Variants in LMLN observed in about 807,000 individuals in gnomAD.
LMLN encodes leishmanolysin-like peptidase.
Under a neutral mutation model 92.3 loss-of-function variants are expected in LMLN, and 70 were observed. The ratio of observed to expected loss-of-function variants is 0.76; its 90% confidence interval spans 0.63 to 0.92. The LOEUF (loss-of-function observed/expected upper bound fraction) is 0.92. LMLN is among the 40% of genes least tolerant of loss of function. The pLI is 0.00. For missense variants in LMLN, 691 were observed against 814.6 expected (o/e 0.85, Z 1.85); for synonymous variants, 308 against 296.2 (o/e 1.04, Z -0.41).
At chr3:197,967,323 C>T (rs1721086039) in intron 1 of LMLN, among the ~76,000 whole-genome samples, 2 of 152,038 alleles carry the variant, frequency 1.3e-5, no homozygotes, top group South Asian at 4.1e-4. Flanking sequence ...AGAAAGAGTA[C>T]AAAGAGTGGA....
intron 11 of LMLN, among the ~76,000 whole-genome samples, chr3:198,017,137 GA>G (rs959203441): frequency 2.7e-5 from 4 of 147,562 alleles, no homozygotes; most frequent in East Asian, 2.0e-4. Flanking sequence ...AATCGACAAG[GA>G]AAAAAAAAAC....
rs1722348186 is a variant in LMLN, at chr3:198,008,337, A to G, written c.1232+8995A>G. Among the ~76,000 whole-genome samples, 3 of 152,222 alleles carry G rather than the reference A, an allele frequency of 2.0e-5. No homozygotes were observed. The South Asian group carries it at 6.2e-4, about 31-fold the overall frequency. ...TTCCAGTAAGAGAGATTTAAAAAAT[A>G]ATAGTAAGAAGAAAATTTATGAAAT... is the stretch of plus-strand genomic sequence containing the variant. On this transcript the variant is annotated intron_variant, in intron 11 of 15. Coordinates refer to ENST00000330198, the Ensembl canonical transcript of LMLN.
intron 9 of LMLN, 84 bp from the exon 10 acceptor site, chr3:197,996,091 T>G: frequency 1.7e-6 from 1 of 590,676 alleles, no homozygotes; most frequent in East Asian, 3.2e-5. Context: ...TGTTAACTTA[T>G]TATATTCATG....
At chr3:198,008,356 A>G (rs1265077569) in intron 11 of LMLN, among the ~76,000 whole-genome samples, 1 of 152,202 alleles carries the variant, frequency 6.6e-6, no homozygotes, top group Non-Finnish European at 1.5e-5. Context: ...AAGAAAATTT[A>G]TGAAATACAT....
intron 8 of LMLN, among the ~76,000 whole-genome samples, chr3:197,990,229 A>G (rs1295741947): frequency 1.3e-5 from 2 of 151,886 alleles, no homozygotes. Flanking sequence ...CGCCCAGCTA[A>G]TTTTTAAATT....
At chr3:198,005,828 T>G (rs1008978900) in intron 11 of LMLN, among the ~76,000 whole-genome samples, 2 of 152,012 alleles carry the variant, frequency 1.3e-5, no homozygotes, top group Non-Finnish European at 2.9e-5. Context: ...GAGATGGGAT[T>G]TTTCCTTGTT....
chr3:198,025,774 G>A lies in LMLN; in HGVS notation c.1656+986G>A, dbSNP rs944189843. Among the ~76,000 whole-genome samples the A allele has an allele frequency of 2.0e-5, 3 of 152,162 alleles. No individual in the cohort carries two copies. The highest frequency in any genetic ancestry group is 4.4e-5 in the Non-Finnish European group (3 of 68,036). On this transcript the variant is annotated intron_variant, in intron 14 of 15. Coordinates refer to ENST00000330198, the Ensembl canonical transcript of LMLN. The surrounding 1 kb of genome is among the most constrained non-coding windows in gnomAD (Gnocchi z 4.3). ...ATTCTGTGACTTAGGAGCATCCAAT[G>A]GAATGAATCTTCTGCACCCTACAAA...
chr3:197,963,600 A>G (rs1036490187), intron 1 of LMLN, among the ~76,000 whole-genome samples: 1 of 152,142 alleles, frequency 6.6e-6, no homozygotes, highest in African/African-American at 2.4e-5. Context: ...TAGTATGTAA[A>G]AATACACTGC....
chr3:198,033,807 G>A (rs1043578133), intron 14 of LMLN, among the ~76,000 whole-genome samples: 3 of 152,202 alleles, frequency 2.0e-5, no homozygotes, highest in East Asian at 1.9e-4. Flanking sequence ...CAAGCACGGC[G>A]CTTGATCAAG....
At chr3:198,033,459 C>G (rs1380584689) in intron 14 of LMLN, among the ~76,000 whole-genome samples, 1 of 151,920 alleles carries the variant, frequency 6.6e-6, no homozygotes, top group Non-Finnish European at 1.5e-5. Flanking sequence ...CTCTGTCACC[C>G]AGGCTGGAGT....
chr3:198,022,395 T>G (rs1421950887), intron 13 of LMLN, among the ~76,000 whole-genome samples: 3 of 152,220 alleles, frequency 2.0e-5, no homozygotes, highest in Non-Finnish European at 2.9e-5. Context: ...TTTCTCTCTG[T>G]GTTCATCAGA....
chr3:198,023,591 T>C (rs985164421), intron 13 of LMLN, among the ~76,000 whole-genome samples: 6 of 152,264 alleles, frequency 3.9e-5, no homozygotes, highest in Non-Finnish European at 7.3e-5. Context: ...TTTTAGCTTA[T>C]ATAATTCAGA....
In LMLN at chr3:198,025,474, C is replaced by T. The variant is rs544970114; in HGVS notation, c.1656+686C>T. On this transcript the variant is annotated intron_variant, in intron 14 of 15. Transcript: ENST00000330198. This position sits in a 1 kb window ranked among gnomAD's most constrained non-coding sequence, Gnocchi z 4.3. ...ATATCCTCTACCTCCTGGGTTCAAG[C>T]GACCTTCCCACCTCAGCCTCCTGAG... Among the ~76,000 whole-genome samples the T allele has an allele frequency of 1.2e-4, 18 of 152,100 alleles. No homozygotes were observed. The highest frequency in any genetic ancestry group is 3.9e-4 in the African/African-American group (16 of 41,514).
In LMLN at chr3:198,031,866, C is replaced by G. The variant is rs540647400; in HGVS notation, c.1657-3967C>G. The stretch of plus-strand genomic sequence containing the variant: ...CCTGTAATCACAGCACTTTGGGAGC[C>G]CGAGACAGGCGGATCACTTGAGGTC... On this transcript the variant is annotated intron_variant, in intron 14 of 15. Coordinates refer to ENST00000330198, the Ensembl canonical transcript of LMLN. The surrounding 1 kb of genome is among the most constrained non-coding windows in gnomAD (Gnocchi z 4.8). Among the ~76,000 whole-genome samples the G allele has an allele frequency of 5.8e-4, 88 of 152,108 alleles. No individual in the cohort carries two copies. The highest frequency in any genetic ancestry group is 5.0e-4 in the Non-Finnish European group (34 of 67,998).
exon 8 of LMLN, chr3:197,985,890 G>C (rs1721692524): frequency 6.3e-7 from 1 of 1,583,916 alleles, no homozygotes; most frequent in Non-Finnish European, 8.7e-7. Flanking sequence ...TTTAATTATA[G>C]GTATTTTTGT....
chr3:198,006,990 C>T (rs1365407987), intron 11 of LMLN, among the ~76,000 whole-genome samples: 1 of 152,132 alleles, frequency 6.6e-6, no homozygotes, highest in African/African-American at 2.4e-5. Context: ...GGATTATAGG[C>T]GTGAGCCACT....
intron 14 of LMLN, among the ~76,000 whole-genome samples, chr3:198,033,129 A>C (rs939432994): frequency 1.3e-5 from 2 of 152,128 alleles, no homozygotes; most frequent in African/African-American, 4.8e-5. Context: ...GAATACTTCA[A>C]CTTCAGCAAG....
At chr3:197,971,525 G>A (rs757020775) in intron 1 of LMLN, among the ~76,000 whole-genome samples, 1 of 152,164 alleles carries the variant, frequency 6.6e-6, no homozygotes, top group Non-Finnish European at 1.5e-5. Flanking sequence ...TTCTCTCATT[G>A]CTTTCAATAT....
chr3:197,967,969 T>C (rs1157815175), intron 1 of LMLN, among the ~76,000 whole-genome samples: 1 of 152,218 alleles, frequency 6.6e-6, no homozygotes, highest in Non-Finnish European at 1.5e-5. Flanking sequence ...CAGTCACACC[T>C]TATGGTTGTC....
Sources: gnomAD v4.1 joint callset for allele counts (sites outside exome capture counted in the v4.1 genomes callset) on GRCh38, gnomAD v4.1.1 for gene constraint, Gnocchi (gnomAD v3.1) non-coding constraint, MANE v1.5 for transcripts, NCBI Gene and HGNC (gene_info 2026-07-23, HGNC 2026-07-21) for gene names.